The following TNFRSF21 variants were observed in gnomAD, a reference collection of about 807,000 sequenced individuals.
TNFRSF21 encodes the protein TNF receptor superfamily member 21.
TNFRSF21 carries 19 observed loss-of-function variants against 45.6 expected under a neutral mutation model. The ratio of observed to expected loss-of-function variants is 0.42; its 90% CI spans 0.29 to 0.61. TNFRSF21 has a LOEUF of 0.61. TNFRSF21 is among the 20% of genes least tolerant of loss of function. TNFRSF21 has a pLI of 0.23. For missense variants in TNFRSF21, 737 were observed against 851.5 expected (o/e 0.87, Z 1.67); for synonymous variants, 314 against 335.5 (o/e 0.94, Z 0.70).
At chr6:47,247,737 G>C (rs1764843471) in intron 4 of TNFRSF21, among the ~76,000 whole-genome samples, 1 of 152,152 alleles carries the variant, frequency 6.6e-6, no homozygotes, top group South Asian at 2.1e-4. Flanking sequence ...AGCCATCCAG[G>C]ATCCAACACA....
rs368754259 is a variant in TNFRSF21 at position 47,286,613 on chromosome 6, G to A, written c.97-18C>T. 14 of 1,578,416 alleles carry A rather than the reference G, an allele frequency of 8.9e-6. No individual in the cohort carries two copies. The African/African-American group carries it at 1.8e-4, about 20-fold the overall frequency. On this transcript the variant is annotated intron_variant, in intron 1 of 5. Coordinates refer to ENST00000296861, the MANE Select transcript of TNFRSF21 (RefSeq NM_014452.5). Reference sequence around the variant, plus strand: ...AATCCAAGCTGAAAGAAACAGAAGGGGAGGGAAAGGAACAAAAACCAAGAA... The same window carrying A: ...AATCCAAGCTGAAAGAAACAGAAGGAGAGGGAAAGGAACAAAAACCAAGAA...
intron 3 of TNFRSF21, among the ~76,000 whole-genome samples, chr6:47,281,483 T>G (rs948469645): frequency 2.0e-5 from 3 of 151,778 alleles, no homozygotes; most frequent in African/African-American, 7.3e-5. Context: ...CAGGTTCAAG[T>G]GATTCTCCTG....
intron 3 of TNFRSF21, among the ~76,000 whole-genome samples, chr6:47,263,711 A>C (rs1762282468): frequency 6.6e-6 from 1 of 152,224 alleles, no homozygotes; most frequent in African/African-American, 2.4e-5. Context: ...CACTCTATGG[A>C]AAAAAGGTGA....
At chr6:47,293,943 A>G (rs1365912072) in intron 1 of TNFRSF21, among the ~76,000 whole-genome samples, 1 of 152,186 alleles carries the variant, frequency 6.6e-6, no homozygotes, top group East Asian at 1.9e-4. Context: ...CCTGTGGATC[A>G]CAAGCTCCAT....
chr6:47,239,582 C>A (rs534023030), intron 4 of TNFRSF21, among the ~76,000 whole-genome samples: 2 of 152,266 alleles, frequency 1.3e-5, no homozygotes, highest in South Asian at 2.1e-4. Flanking sequence ...AGAACTCCAG[C>A]CTCAACTGCC....
At chr6:47,296,656 A>G (rs1762794129) in intron 1 of TNFRSF21, among the ~76,000 whole-genome samples, 1 of 152,170 alleles carries the variant, frequency 6.6e-6, no homozygotes, top group African/African-American at 2.4e-5. Flanking sequence ...TAAGTAATGA[A>G]GTCTCCATAA....
At chr6:47,239,771 A>G in intron 4 of TNFRSF21, among the ~76,000 whole-genome samples, 1 of 152,320 alleles carries the variant, frequency 6.6e-6, no homozygotes, top group Non-Finnish European at 1.5e-5. Flanking sequence ...TAAATAGGTT[A>G]GACCAGGTCA....
chr6:47,284,947 G>A (rs1240492861), intron 2 of TNFRSF21, among the ~76,000 whole-genome samples: 2 of 152,226 alleles, frequency 1.3e-5, no homozygotes, highest in African/African-American at 4.8e-5. Context: ...AAGAGCATCT[G>A]TTATCAAAAG....
intron 1 of TNFRSF21, among the ~76,000 whole-genome samples, chr6:47,302,624 C>T (rs1762880677): frequency 6.6e-6 from 1 of 152,228 alleles, no homozygotes; most frequent in African/African-American, 2.4e-5. Flanking sequence ...ACACAGGTTG[C>T]TCTCAGTTTA....
intron 3 of TNFRSF21, among the ~76,000 whole-genome samples, chr6:47,272,813 A>G (rs1395224205): frequency 6.6e-6 from 1 of 152,262 alleles, no homozygotes; most frequent in Non-Finnish European, 1.5e-5. Context: ...TTGATGCAAT[A>G]AAAAATGATA....
At chr6:47,274,730 G>C (rs968412079) in intron 3 of TNFRSF21, among the ~76,000 whole-genome samples, 2 of 152,084 alleles carry the variant, frequency 1.3e-5, no homozygotes, top group African/African-American at 4.8e-5. Flanking sequence ...AATTTTTGCA[G>C]TCTACCCATC....
intron 1 of TNFRSF21, among the ~76,000 whole-genome samples, chr6:47,293,242 T>C (rs554877214): frequency 1.1e-3 from 162 of 152,338 alleles, no homozygotes; most frequent in Admixed American, 3.8e-3. Flanking sequence ...GACGACCACA[T>C]AGATTGCATT....
intron 4 of TNFRSF21, among the ~76,000 whole-genome samples, chr6:47,242,162 C>A (rs371560375): frequency 6.6e-6 from 1 of 152,012 alleles, no homozygotes; most frequent in Admixed American, 6.6e-5. Flanking sequence ...AACTCACCCA[C>A]CATCAGGGGA....
intron 1 of TNFRSF21, 107 bp from the exon 2 acceptor site, chr6:47,286,702 G>A: frequency 1.6e-6 from 2 of 1,237,142 alleles, no homozygotes; most frequent in Non-Finnish European, 2.2e-6. Flanking sequence ...CATCATTCCT[G>A]TTAAAGATCC....
rs1437251285 is a variant in TNFRSF21 at position 47,261,633 on chromosome 6, T to C, written c.1244-8112A>G. Among the ~76,000 whole-genome samples, 2 of 152,228 alleles carry C rather than the reference T, an allele frequency of 1.3e-5. 1 individual carries two copies. The highest frequency in any genetic ancestry group is 2.9e-5 in the Non-Finnish European group (2 of 68,042). Reference sequence around the variant, plus strand: ...AAACCTGGGCTCCCAGGGACCCTGTTCTTGTACAAGGGCCTCTCCCTCTGC... The same window carrying C: ...AAACCTGGGCTCCCAGGGACCCTGTCCTTGTACAAGGGCCTCTCCCTCTGC... On this transcript the variant is annotated intron_variant, in intron 3 of 5. Coordinates refer to ENST00000296861, the MANE Select transcript of TNFRSF21 (RefSeq NM_014452.5).
chr6:47,286,626 C>G lies in TNFRSF21; in HGVS notation c.97-31G>C. On this transcript the variant is annotated intron_variant, in intron 1 of 5. Coordinates refer to ENST00000296861, the MANE Select transcript of TNFRSF21 (RefSeq NM_014452.5). Reference sequence around the variant, plus strand: ...AGAAACAGAAGGGGAGGGAAAGGAACAAAAACCAAGAAGATGTTACATAGG... The same window carrying G: ...AGAAACAGAAGGGGAGGGAAAGGAAGAAAAACCAAGAAGATGTTACATAGG... 3 of 1,566,440 alleles carry G rather than the reference C, an allele frequency of 1.9e-6. No homozygotes were observed. The South Asian group carries it at 3.6e-5, about 19-fold the overall frequency.
intron 4 of TNFRSF21, among the ~76,000 whole-genome samples, chr6:47,248,559 A>G (rs955396516): frequency 2.6e-5 from 4 of 152,232 alleles, no homozygotes; most frequent in African/African-American, 9.6e-5. Flanking sequence ...TGTTTCTCTG[A>G]CAGCTATTGA....
chr6:47,292,300 A>G (rs903632545), intron 1 of TNFRSF21, among the ~76,000 whole-genome samples: 8 of 152,120 alleles, frequency 5.3e-5, no homozygotes, highest in Admixed American at 2.0e-4. Flanking sequence ...TCACTTGTAC[A>G]GAGTTGGATA....
intron 4 of TNFRSF21, among the ~76,000 whole-genome samples, chr6:47,244,074 CACT>C (rs1295765391): frequency 6.6e-6 from 1 of 152,200 alleles, no homozygotes; most frequent in East Asian, 1.9e-4. Flanking sequence ...GTAATCCCAG[CACT>C]TCGGGAGGCC....
Sources: allele counts gnomAD v4.1 joint callset (sites outside exome capture counted in the v4.1 genomes callset), GRCh38; gene constraint gnomAD v4.1.1; transcripts MANE v1.5; gene names NCBI Gene and HGNC (gene_info 2026-07-23, HGNC 2026-07-21).